Variants in ROBO1 observed in about 807,000 individuals in gnomAD.
The protein encoded by ROBO1 is roundabout guidance receptor 1.
A neutral mutation model predicts 195.9 loss-of-function variants in ROBO1; 149 were observed. That is an observed-to-expected ratio of 0.76 (90% CI 0.67 to 0.87). The LOEUF (loss-of-function observed/expected upper bound fraction) is 0.87, where lower values mean the gene tolerates loss of function less well. Among genes scored for constraint, ROBO1 ranks in the 40% least tolerant of loss-of-function variants. ROBO1 has a pLI of 0.00. For synonymous variants in ROBO1, 816 were observed against 733.2 expected, an observed-to-expected ratio of 1.11 and a Z score of -1.82; for missense variants, 1,933 against 2,068.3, an observed-to-expected ratio of 0.93 and a Z score of 1.27.
rs7626143 is a variant in ROBO1 at position 78,597,792 on chromosome 3, T to A, written c.*1121A>T. On this transcript the variant is annotated 3_prime_UTR_variant, in exon 31 of 31. Coordinates refer to ENST00000464233, the MANE Select transcript of ROBO1 (RefSeq NM_002941.4). ...GCCCACAATAAAGTATGCATGTTAC[T>A]TCACCATCTGTCATTATTCAAATAT... is the stretch of plus-strand genomic sequence containing the variant. 3 of 152,396 alleles carry A rather than the reference T, an allele frequency of 2.0e-5. No individual in the cohort carries two copies. The East Asian group carries it at 5.8e-4, about 29-fold the overall frequency. 9.4% of individuals were successfully genotyped at this position (152,396 alleles called of 1,614,324 possible). A position where few individuals can be genotyped will look rare whatever the true frequency, so the allele number is the denominator to read the frequency against.
At chr3:79,204,974 A>ATTAGTTAG (rs113126682) in intron 2 of ROBO1, among the ~76,000 whole-genome samples, 2,462 of 150,444 alleles carry the variant, frequency 0.016, 41 homozygotes, top group Middle Eastern at 0.02. Flanking sequence ...GACTTGGAGA[A>ATTAGTTAG]TTAGTTAGTT....
intron 1 of ROBO1, among the ~76,000 whole-genome samples, chr3:79,765,079 A>C (rs1375660829): frequency 6.6e-6 from 1 of 152,204 alleles, no homozygotes; most frequent in Non-Finnish European, 1.5e-5. Flanking sequence ...TAAATAGGAA[A>C]ATACAACAAA....
intron 2 of ROBO1, among the ~76,000 whole-genome samples, chr3:79,183,301 C>G (rs2081379406): frequency 2.0e-5 from 3 of 152,142 alleles, no homozygotes; most frequent in African/African-American, 7.2e-5. Context: ...GTCCAGTTCT[C>G]TCTTTGAAAC....
intron 15 of ROBO1, among the ~76,000 whole-genome samples, chr3:78,661,504 G>A (rs969356319): frequency 6.6e-6 from 1 of 152,092 alleles, no homozygotes; most frequent in African/African-American, 2.4e-5. Flanking sequence ...GTAGAATACT[G>A]AAAAAATTCC....
intron 3 of ROBO1, among the ~76,000 whole-genome samples, chr3:78,981,738 G>A (rs553897313): frequency 9.7e-4 from 147 of 150,826 alleles, no homozygotes; most frequent in Non-Finnish European, 1.7e-3. Flanking sequence ...CAGAACCAAG[G>A]ACTTCCCAGC....
chr3:78,920,098 A>C (rs550457332), intron 4 of ROBO1, among the ~76,000 whole-genome samples: 1 of 152,342 alleles, frequency 6.6e-6, no homozygotes, highest in East Asian at 1.9e-4. Flanking sequence ...CGTATTTTGC[A>C]ACATACTGAC....
chr3:79,607,149 A>G (rs1421075145), intron 1 of ROBO1, among the ~76,000 whole-genome samples: 3 of 150,012 alleles, frequency 2.0e-5, no homozygotes, highest in East Asian at 2.0e-4. Flanking sequence ...GAACCTAAAA[A>G]TGGCCTTACA....
intron 2 of ROBO1, among the ~76,000 whole-genome samples, chr3:79,554,627 T>C (rs1364654191): frequency 6.6e-6 from 1 of 152,048 alleles, no homozygotes; most frequent in Non-Finnish European, 1.5e-5. Context: ...TTTTAAGGTA[T>C]GTTGAACAAA....
At chr3:79,492,244 G>A (rs1939499831) in intron 2 of ROBO1, among the ~76,000 whole-genome samples, 1 of 152,098 alleles carries the variant, frequency 6.6e-6, no homozygotes, top group Non-Finnish European at 1.5e-5. Context: ...GATCAACGTG[G>A]TGAAACCCCG....
chr3:79,726,662 T>C (rs552834357), intron 1 of ROBO1, among the ~76,000 whole-genome samples: 1 of 152,346 alleles, frequency 6.6e-6, no homozygotes, highest in Non-Finnish European at 1.5e-5. Flanking sequence ...CCTTTTACAA[T>C]ATTCCATTTG....
At chr3:78,666,430 A>G (rs912603592) in intron 14 of ROBO1, among the ~76,000 whole-genome samples, 4 of 152,188 alleles carry the variant, frequency 2.6e-5, no homozygotes, top group African/African-American at 9.7e-5. Flanking sequence ...TACAGGACAA[A>G]ACGGTGTTAA....
intron 2 of ROBO1, among the ~76,000 whole-genome samples, chr3:79,292,725 C>A (rs1391224282): frequency 6.6e-6 from 1 of 152,182 alleles, no homozygotes; most frequent in Non-Finnish European, 1.5e-5. Flanking sequence ...AAGGACGAAG[C>A]CAACTTGATC....
intron 1 of ROBO1, among the ~76,000 whole-genome samples, chr3:79,713,155 T>G (rs1329174829): frequency 6.6e-6 from 1 of 151,318 alleles, no homozygotes; most frequent in South Asian, 2.1e-4. Context: ...ATACTGCTCA[T>G]TACAATGCAC....
chr3:79,525,300 T>A (rs1941381459), intron 2 of ROBO1, among the ~76,000 whole-genome samples: 1 of 149,918 alleles, frequency 6.7e-6, no homozygotes, highest in South Asian at 2.1e-4. Context: ...GTAATACATA[T>A]ATCTAATATA....
intron 2 of ROBO1, among the ~76,000 whole-genome samples, chr3:79,311,608 G>T (rs1342581393): frequency 6.6e-6 from 1 of 152,126 alleles, no homozygotes; most frequent in Non-Finnish European, 1.5e-5. Flanking sequence ...TAAGTAGCTG[G>T]TTGAGGAAGA....
At chr3:79,429,094 C>T (rs370904604) in intron 2 of ROBO1, among the ~76,000 whole-genome samples, 1 of 152,084 alleles carries the variant, frequency 6.6e-6, no homozygotes. Flanking sequence ...TAAAGAGTAA[C>T]TTTTACTGTA....
intron 2 of ROBO1, among the ~76,000 whole-genome samples, chr3:79,362,368 C>G (rs548411424): frequency 1.5e-4 from 23 of 151,972 alleles, no homozygotes; most frequent in Non-Finnish European, 3.2e-4. Context: ...GAGAAACTAG[C>G]TAATATTTGG....
chr3:78,831,296 G>A (rs758615402), intron 4 of ROBO1, among the ~76,000 whole-genome samples: 5 of 152,048 alleles, frequency 3.3e-5, no homozygotes, highest in Non-Finnish European at 7.4e-5. Context: ...ACTTGTAAAG[G>A]TTTGGTGACA....
chr3:78,650,537 T>C (rs1269165394), intron 19 of ROBO1, among the ~76,000 whole-genome samples: 1 of 152,174 alleles, frequency 6.6e-6, no homozygotes, highest in Non-Finnish European at 1.5e-5. Context: ...TTTTGGTCTA[T>C]GCATAGGGAC....
Sources: gnomAD v4.1 joint callset for allele counts (sites outside exome capture counted in the v4.1 genomes callset) on GRCh38, gnomAD v4.1.1 for gene constraint, MANE v1.5 for transcripts, NCBI Gene and HGNC (gene_info 2026-07-23, HGNC 2026-07-21) for gene names.